DYNC2H1: variants seen among roughly 807,000 people sequenced by gnomAD.
DYNC2H1 encodes cytoplasmic dynein 2 heavy chain 1.
Under a neutral mutation model 570.0 loss-of-function variants are expected in DYNC2H1, and 410 were observed. The observed-to-expected ratio is 0.72, with a 90% CI of 0.66 to 0.78. The LOEUF (loss-of-function observed/expected upper bound fraction) is 0.78, where lower values mean the gene tolerates loss of function less well. DYNC2H1 is among the 30% of genes least tolerant of loss of function. The pLI is 0.00. For synonymous variants in DYNC2H1, 1,688 were observed against 1,677.6 expected (o/e 1.01, Z -0.15); for missense variants, 4,865 against 5,046.4 (o/e 0.96, Z 1.09).
chr11:103,371,927 GTTTTTTTTTTTTTT>G (rs60335910), intron 83 of DYNC2H1, among the ~76,000 whole-genome samples: 2 of 67,880 alleles, frequency 2.9e-5, no homozygotes, highest in African/African-American at 6.7e-5. Flanking sequence ...TCCCATTTGG[GTTTTTTTTTTTTTT>G]TTTTTTTTTT....
rs180790392 is a variant in DYNC2H1 at position 103,155,333 on chromosome 11, C to T, written c.3576C>T (p.Ile1192=). 3.7e-5 allele frequency: 58 copies of T among 1,587,422 alleles called. No individual in the cohort carries two copies. The highest frequency in any genetic ancestry group is 4.6e-5 in the Non-Finnish European group (54 of 1,172,252). ...TTTCTTTTTTTTTTTTGTAACAGATCGTAATTCCTATCTTGAAATATGTGA... is the reference window on the plus strand; with the variant it reads ...TTTCTTTTTTTTTTTTGTAACAGATTGTAATTCCTATCTTGAAATATGTGA... ...KLQSEVDKYK[I]VIPILKYVRG... The change falls in exon 25 of 89, where the codon ATC becomes ATT. Residue 1192 remains isoleucine, a splice_region_variant and synonymous_variant. Coordinates refer to ENST00000375735, the MANE Select transcript of DYNC2H1 (RefSeq NM_001377.3).
At position 103,264,945 on chromosome 11, in the gene DYNC2H1, G is replaced by T. The variant is rs1233325106; in HGVS notation, c.10695+4968G>T. Among the ~76,000 whole-genome samples, 2 of 152,146 alleles carry T rather than the reference G, an allele frequency of 1.3e-5. No homozygotes were observed. Among genetic ancestry groups the T allele is most frequent in the Non-Finnish European group, 2.9e-5 (2 of 68,030 alleles). On this transcript the variant is annotated intron_variant, in intron 70 of 88. Transcript: ENST00000375735. The surrounding 1 kb of genome is among the most constrained non-coding windows in gnomAD (Gnocchi z 4.8). ...AGTCAAATTGTCTCTGTTTGGAGAT[G>T]ACATGATTGTATATTTAGAAAACCC... is the stretch of plus-strand genomic sequence containing the variant.
intron 84 of DYNC2H1, among the ~76,000 whole-genome samples, chr11:103,435,589 T>C (rs1010868448): frequency 6.6e-6 from 1 of 152,182 alleles, no homozygotes; most frequent in African/African-American, 2.4e-5. Flanking sequence ...TAAAAAATTC[T>C]GTAGGGACCA....
intron 8 of DYNC2H1, 57 bp from the exon 9 acceptor site, chr11:103,120,868 T>C: frequency 1.7e-6 from 2 of 1,168,764 alleles, no homozygotes; most frequent in Admixed American, 7.7e-5. Context: ...AAAATATATA[T>C]ATATTTACTG....
At chr11:103,422,032 CACAA>C (rs952442762) in intron 84 of DYNC2H1, among the ~76,000 whole-genome samples, 2 of 151,750 alleles carry the variant, frequency 1.3e-5, no homozygotes, top group East Asian at 3.9e-4. Flanking sequence ...CACAGAAAAA[CACAA>C]ACAACTATCA....
chr11:103,423,764 A>C (rs1051506713), intron 84 of DYNC2H1, among the ~76,000 whole-genome samples: 1 of 152,064 alleles, frequency 6.6e-6, no homozygotes, highest in Non-Finnish European at 1.5e-5. Context: ...ATGCAAAAAA[A>C]AATTGTATAG....
At chr11:103,213,742 G>T (rs1254042404) in intron 54 of DYNC2H1, among the ~76,000 whole-genome samples, 3 of 152,090 alleles carry the variant, frequency 2.0e-5, no homozygotes, top group Non-Finnish European at 4.4e-5. Flanking sequence ...CTTGTCAGAT[G>T]AACAGTTTGC....
At position 103,303,138 on chromosome 11, in the gene DYNC2H1, A is replaced by G; in HGVS notation, c.11141A>G (p.Tyr3714Cys). 6.2e-7 allele frequency: 1 copy of G among 1,610,322 alleles called. No homozygotes were observed. Among genetic ancestry groups the G allele is most frequent in the Non-Finnish European group, 8.5e-7 (1 of 1,177,790 alleles). The change falls in exon 76 of 89, where the codon TAC becomes TGC. Residue 3714 changes from tyrosine to cysteine, a missense_variant. Transcript: ENST00000375735. Reference protein sequence around the residue: ...SPLPLNLKRLYKETLEIEPIL... With the variant: ...SPLPLNLKRLCKETLEIEPIL... The stretch of plus-strand genomic sequence containing the variant: ...CTGCCTCTAAATCTCAAACGTTTAT[A>G]CAAAGAGACACTGGAAATTGAACCC...
At chr11:103,297,173 AT>A (rs1866867540) in intron 75 of DYNC2H1, among the ~76,000 whole-genome samples, 6 of 152,242 alleles carry the variant, frequency 3.9e-5, no homozygotes, top group Non-Finnish European at 4.4e-5. Flanking sequence ...TGATGTTTTT[AT>A]ATTAAAAACA....
intron 79 of DYNC2H1, among the ~76,000 whole-genome samples, chr11:103,315,163 G>C (rs529417471): frequency 6.6e-6 from 1 of 151,916 alleles, no homozygotes; most frequent in South Asian, 2.1e-4. Context: ...AATTTTCTAG[G>C]CTGTATGTTT....
rs559435926 is a variant in DYNC2H1, at chr11:103,139,822, G to A, written c.2575-3446G>A. Among the ~76,000 whole-genome samples, 80 of 152,212 alleles carry A rather than the reference G, an allele frequency of 5.3e-4. 1 individual carries two copies. Among genetic ancestry groups the A allele is most frequent in the Admixed American group, 1.2e-3 (19 of 15,288 alleles). On this transcript the variant is annotated intron_variant, in intron 17 of 88. Transcript: ENST00000375735. ...CTAATGTTGACAGTGGGGTGTTAAA[G>A]TCTTCCATTATTATTGTGTGGGAGT... is the stretch of plus-strand genomic sequence containing the variant.
Position 103,153,409 on chromosome 11 carries a change from T to C in DYNC2H1, c.3203T>C (p.Ile1068Thr). ...CAACTAAAGCCTGGTGATGATGTTATTGAAACTGGCCAACATAATACTCTT... is the reference window on the plus strand; with the variant it reads ...CAACTAAAGCCTGGTGATGATGTTACTGAAACTGGCCAACATAATACTCTT... The part of the protein sequence containing the change: ...WDQLKPGDDV[I>T]ETGQHNTLDK... Residue 1068 changes from isoleucine (I) to threonine (T), a missense_variant, in exon 22 of 89, where the codon ATT becomes ACT. Around this residue, in one of 5 missense-constraint regions of DYNC2H1, gnomAD observed 1,936 missense variants for 1,962.1 expected, o/e 0.99. Coordinates refer to ENST00000375735, the MANE Select transcript of DYNC2H1 (RefSeq NM_001377.3). 1.9e-6 allele frequency: 3 copies of C among 1,561,256 alleles called. No homozygotes were observed. The highest frequency in any genetic ancestry group is 2.6e-6 in the Non-Finnish European group (3 of 1,151,842).
intron 83 of DYNC2H1, among the ~76,000 whole-genome samples, chr11:103,388,896 T>G (rs1942010235): frequency 6.6e-6 from 1 of 152,228 alleles, no homozygotes; most frequent in Non-Finnish European, 1.5e-5. Context: ...GCTGCTGGAT[T>G]TGGTTTGCCA....
intron 59 of DYNC2H1, among the ~76,000 whole-genome samples, chr11:103,225,943 G>T (rs1863783897): frequency 8.3e-6 from 1 of 119,894 alleles, no homozygotes; most frequent in Admixed American, 1.0e-4. Flanking sequence ...TTGGTTAGGT[G>T]TATTCCTAAG....
At chr11:103,171,474 T>C (rs1405332932) in intron 34 of DYNC2H1, among the ~76,000 whole-genome samples, 1 of 152,164 alleles carries the variant, frequency 6.6e-6, no homozygotes, top group Admixed American at 6.5e-5. Context: ...TAGGCTGGTA[T>C]TGAACTCCTG....
chr11:103,400,562 C>G (rs933316993), intron 84 of DYNC2H1, among the ~76,000 whole-genome samples: 4 of 152,012 alleles, frequency 2.6e-5, no homozygotes, highest in Non-Finnish European at 4.4e-5. Flanking sequence ...ATGGGATGTT[C>G]TGCACAGATT....
chr11:103,112,888 A>G (rs942112776), intron 1 of DYNC2H1, among the ~76,000 whole-genome samples: 3 of 152,186 alleles, frequency 2.0e-5, no homozygotes, highest in Admixed American at 6.5e-5. Context: ...TTTAAACAAG[A>G]TTGCTGTAGT....
rs1435754166 is a variant in DYNC2H1, at chr11:103,446,512, C to G, written c.12457-8674C>G. Reference sequence around the variant, plus strand: ...TCTTGAGGAGATGTTTTGTGAAGTTCTAAAGAATGAAAGCCTGGTCATATG... The same window carrying G: ...TCTTGAGGAGATGTTTTGTGAAGTTGTAAAGAATGAAAGCCTGGTCATATG... On this transcript the variant is annotated intron_variant, in intron 85 of 88. Coordinates refer to ENST00000375735, the MANE Select transcript of DYNC2H1 (RefSeq NM_001377.3). This position sits in a 1 kb window ranked among gnomAD's most constrained non-coding sequence, Gnocchi z 4.5. Among the ~76,000 whole-genome samples, 1 of 151,916 alleles carries G rather than the reference C, an allele frequency of 6.6e-6. No homozygotes were observed. Among genetic ancestry groups the G allele is most frequent in the East Asian group, 1.9e-4 (1 of 5,180 alleles).
intron 15 of DYNC2H1, 32 bp downstream of exon 15, chr11:103,134,451 T>C (rs1456134846): frequency 6.5e-7 from 1 of 1,541,314 alleles, no homozygotes; most frequent in East Asian, 2.3e-5. Flanking sequence ...GTGTATACTT[T>C]GAAATATGAC....
Sources: gnomAD v4.1 joint callset for allele counts (sites outside exome capture counted in the v4.1 genomes callset) on GRCh38, gnomAD v4.1.1 for gene constraint, gnomAD v4.1.1 regional missense constraint, Gnocchi (gnomAD v3.1) non-coding constraint, MANE v1.5 for transcripts, NCBI Gene and HGNC (gene_info 2026-07-23, HGNC 2026-07-21) for gene names.